DZIP3: variants seen among roughly 807,000 people sequenced by gnomAD.
DZIP3 encodes DAZ interacting zinc finger protein 3, also known as E3 ubiquitin-protein ligase DZIP3.
In DZIP3, 118 loss-of-function variants were observed where a neutral mutation model predicts 162.0. The ratio of observed to expected loss-of-function variants is 0.73; its 90% CI spans 0.63 to 0.85. The LOEUF (loss-of-function observed/expected upper bound fraction) is 0.85. DZIP3 is among the 40% of genes least tolerant of loss of function. The pLI is 0.00. For synonymous variants in DZIP3, 438 were observed against 458.6 expected, an observed-to-expected ratio of 0.96 and a Z score of 0.57; for missense variants, 1,331 against 1,407.0, an observed-to-expected ratio of 0.95 and a Z score of 0.86.
intron 14 of DZIP3, 99 bp downstream of exon 14, chr3:108,644,880 A>C: frequency 1.7e-6 from 2 of 1,181,030 alleles, no homozygotes; most frequent in Non-Finnish European, 2.4e-6. Context: ...CAGTGAGCTC[A>C]TGGTTTTGGG....
intron 21 of DZIP3, among the ~76,000 whole-genome samples, chr3:108,663,547 A>C (rs1284990578): frequency 1.4e-5 from 2 of 145,842 alleles, no homozygotes; most frequent in Non-Finnish European, 3.0e-5. Flanking sequence ...CAAGAGCAAA[A>C]GTCTGTCTCA....
At chr3:108,636,504 T>C (rs1942152962) in intron 10 of DZIP3, 112 bp from the exon 11 acceptor site, 3 of 608,158 alleles carry the variant, frequency 4.9e-6, no homozygotes, top group South Asian at 5.5e-5. Context: ...ATTCACATCT[T>C]CCAGTTTACT....
intron 5 of DZIP3, among the ~76,000 whole-genome samples, chr3:108,619,470 A>C (rs1443073663): frequency 6.6e-6 from 1 of 152,142 alleles, no homozygotes; most frequent in Non-Finnish European, 1.5e-5. Context: ...GCTCTCTGTA[A>C]TCTGGAGACC....
intron 32 of DZIP3, among the ~76,000 whole-genome samples, chr3:108,691,633 C>T (rs1398277267): frequency 6.6e-6 from 1 of 152,016 alleles, no homozygotes. Flanking sequence ...GAGAATCCTT[C>T]CTAGGTTTTA....
chr3:108,655,414 C>T (rs1354439760), intron 19 of DZIP3, among the ~76,000 whole-genome samples: 2 of 152,102 alleles, frequency 1.3e-5, no homozygotes, highest in African/African-American at 4.8e-5. Context: ...AATATTTTAT[C>T]ATCTCTAAAA....
chr3:108,642,401 T>G, intron 12 of DZIP3, 37 bp from the exon 13 acceptor site: 1 of 1,451,622 alleles, frequency 6.9e-7, no homozygotes, highest in Non-Finnish European at 9.3e-7. Context: ...TGGTATTATT[T>G]TATTTCCACT....
At position 108,644,322 on chromosome 3, in the gene DZIP3, T is replaced by C; in HGVS notation, c.1300T>C (p.Ser434Pro). 6.2e-7 allele frequency: 1 copy of C among 1,614,104 alleles called. No individual in the cohort carries two copies. Among genetic ancestry groups the C allele is most frequent in the Non-Finnish European group, 8.5e-7 (1 of 1,179,974 alleles). ...TCTTATACACAAGAATGTGCTGGAA[T>C]CCTACTACAACCATCTTTGGACCAA... The part of the protein sequence containing the change: ...ELLIHKNVLE[S>P]YYNHLWTNHP... The change falls in exon 14 of 33, where the codon TCC becomes CCC. Residue 434 changes from serine to proline, a missense_variant. Ser to Pro is a moderately conservative substitution (Grantham distance 74). Coordinates refer to ENST00000361582, the MANE Select transcript of DZIP3 (RefSeq NM_014648.4).
At chr3:108,598,907 A>G (rs907081580) in intron 1 of DZIP3, among the ~76,000 whole-genome samples, 2 of 152,178 alleles carry the variant, frequency 1.3e-5, no homozygotes, top group Admixed American at 6.5e-5. Flanking sequence ...TAGTATCTGG[A>G]TAGTTTTTCA....
rs369270757 is a variant in DZIP3, at chr3:108,675,278, C to A, written c.2694-508C>A. ...TTTATGTACTATATAAAGGCAGCAA[C>A]CTCATTCGTACTCAAATAGAAGATA... On this transcript the variant is annotated intron_variant, in intron 24 of 32. Transcript: ENST00000361582. 1.3e-4 allele frequency among the ~76,000 whole-genome samples: 20 copies of A among 152,088 alleles called. No homozygotes were observed. In the South Asian group the frequency reaches 4.2e-3, roughly 32 times the overall value.
chr3:108,640,688 C>A (rs576672520), intron 12 of DZIP3, among the ~76,000 whole-genome samples: 1 of 152,126 alleles, frequency 6.6e-6, no homozygotes, highest in Non-Finnish European at 1.5e-5. Context: ...TCGTGATCCA[C>A]CCTCTTCGGC....
intron 7 of DZIP3, among the ~76,000 whole-genome samples, chr3:108,626,680 A>T (rs925082350): frequency 6.6e-6 from 1 of 152,236 alleles, no homozygotes; most frequent in African/African-American, 2.4e-5. Context: ...TTTACAAAAT[A>T]CAGTTCCTGT....
chr3:108,630,620 G>A (rs954891864), intron 8 of DZIP3, among the ~76,000 whole-genome samples: 1 of 151,922 alleles, frequency 6.6e-6, no homozygotes, highest in Non-Finnish European at 1.5e-5. Flanking sequence ...ATAATTTTAT[G>A]CATTTTAAAA....
chr3:108,647,809 G>A (rs930576312), intron 15 of DZIP3, 134 bp from the exon 16 acceptor site: 9 of 665,698 alleles, frequency 1.4e-5, no homozygotes, highest in South Asian at 1.0e-4. Flanking sequence ...CATTTTCATC[G>A]AGTAATTGAA....
chr3:108,693,243 AAGT>A (rs952010624), intron 32 of DZIP3, 114 bp from the exon 33 acceptor site: 1 of 151,676 alleles, frequency 6.6e-6, no homozygotes, highest in Non-Finnish European at 1.5e-5. Context: ...AAAAAAAAAG[AAGT>A]AGGAAAATCC....
intron 21 of DZIP3, among the ~76,000 whole-genome samples, chr3:108,669,069 A>G (rs1175833677): frequency 1.3e-5 from 2 of 151,958 alleles, no homozygotes; most frequent in East Asian, 1.9e-4. Context: ...AGTTTCTTAC[A>G]TATTAATTTT....
At chr3:108,677,644 A>G in intron 26 of DZIP3, 46 bp downstream of exon 26, 1 of 1,520,378 alleles carries the variant, frequency 6.6e-7, no homozygotes, top group East Asian at 2.3e-5. Flanking sequence ...CATTTTGACA[A>G]AATGGTAAGG....
chr3:108,614,067 A>C (rs985713233), intron 4 of DZIP3, among the ~76,000 whole-genome samples: 6 of 152,218 alleles, frequency 3.9e-5, no homozygotes, highest in African/African-American at 1.4e-4. Flanking sequence ...CATGACATTC[A>C]AGAAGTTAAT....
chr3:108,615,434 A>G (rs1326849377), intron 4 of DZIP3, among the ~76,000 whole-genome samples: 1 of 152,210 alleles, frequency 6.6e-6, no homozygotes, highest in Admixed American at 6.5e-5. Context: ...GTCAGTATGT[A>G]GACACTATTT....
At chr3:108,668,924 T>C (rs1943803559) in intron 21 of DZIP3, among the ~76,000 whole-genome samples, 1 of 152,008 alleles carries the variant, frequency 6.6e-6, no homozygotes, top group South Asian at 2.1e-4. Context: ...TTATTATAAA[T>C]CTTTTCATAT....
Sources: allele counts gnomAD v4.1 joint callset (sites outside exome capture counted in the v4.1 genomes callset), GRCh38; gene constraint gnomAD v4.1.1; transcripts MANE v1.5; gene names NCBI Gene and HGNC (gene_info 2026-07-23, HGNC 2026-07-21).